Variants in FGF12 observed in about 807,000 individuals in gnomAD.
FGF12 encodes fibroblast growth factor 12.
FGF12 carries 14 observed loss-of-function variants against 23.6 expected under a neutral mutation model. The observed-to-expected ratio is 0.59, with a 90% CI of 0.39 to 0.93. The LOEUF (loss-of-function observed/expected upper bound fraction) is 0.93. FGF12 is among the 40% of genes least tolerant of loss of function. The probability of loss-of-function intolerance (pLI) is 0.00; values close to 1 mark genes in which losing one functional copy is unlikely to be tolerated. For synonymous variants in FGF12, 62 were observed against 77.3 expected, an observed-to-expected ratio of 0.80 and a Z score of 1.04; for missense variants, 175 against 217.8, an observed-to-expected ratio of 0.80 and a Z score of 1.24.
At chr3:192,352,873 T>G (rs1210791867) in intron 3 of FGF12, among the ~76,000 whole-genome samples, 1 of 152,208 alleles carries the variant, frequency 6.6e-6, no homozygotes, top group African/African-American at 2.4e-5. Context: ...CATTTATGTA[T>G]TTAACTCTCT....
At chr3:192,152,488 C>T (rs1358403842) in intron 5 of FGF12, among the ~76,000 whole-genome samples, 28 of 148,844 alleles carry the variant, frequency 1.9e-4, no homozygotes, top group East Asian at 4.0e-4. Context: ...GCTTTGAATG[C>T]GTCCCAGAGA....
At chr3:192,388,544 C>T (rs138601152) in intron 2 of FGF12, among the ~76,000 whole-genome samples, 121 of 152,106 alleles carry the variant, frequency 8.0e-4, no homozygotes, top group African/African-American at 2.7e-3. Context: ...ATATATGTAT[C>T]ATGCCCTAAA....
intron 2 of FGF12, among the ~76,000 whole-genome samples, chr3:192,441,021 C>T (rs919275374): frequency 6.6e-6 from 1 of 152,166 alleles, no homozygotes; most frequent in Non-Finnish European, 1.5e-5. Flanking sequence ...TGTTCATTTC[C>T]CAATCCCTAA....
chr3:192,188,880 G>T (rs904353266), intron 4 of FGF12, among the ~76,000 whole-genome samples: 2 of 152,184 alleles, frequency 1.3e-5, no homozygotes, highest in African/African-American at 4.8e-5. Flanking sequence ...CCAATCCCAA[G>T]AGGTTTTTCA....
intron 2 of FGF12, among the ~76,000 whole-genome samples, chr3:192,543,177 T>A (rs1294993690): frequency 6.6e-6 from 1 of 152,206 alleles, no homozygotes; most frequent in Non-Finnish European, 1.5e-5. Context: ...GGAATCTACC[T>A]GTTGCTCTAT....
chr3:192,550,948 GT>G (rs1711512733), intron 2 of FGF12, among the ~76,000 whole-genome samples: 1 of 152,002 alleles, frequency 6.6e-6, no homozygotes, highest in African/African-American at 2.4e-5. Context: ...TAACTGTCAG[GT>G]TTAGAGAGTC....
At chr3:192,482,154 A>T (rs753704627) in intron 2 of FGF12, among the ~76,000 whole-genome samples, 9 of 152,128 alleles carry the variant, frequency 5.9e-5, no homozygotes, top group Non-Finnish European at 1.3e-4. Context: ...TGAGTTTTGA[A>T]CCTCAATCAT....
chr3:192,425,234 C>T (rs530636360), intron 2 of FGF12, among the ~76,000 whole-genome samples: 1 of 152,206 alleles, frequency 6.6e-6, no homozygotes, highest in African/African-American at 2.4e-5. Flanking sequence ...GTGGATGGAC[C>T]TGATATTTTA....
At chr3:192,266,078 T>C (rs896374716) in intron 4 of FGF12, among the ~76,000 whole-genome samples, 5 of 152,122 alleles carry the variant, frequency 3.3e-5, no homozygotes, top group African/African-American at 1.2e-4. Context: ...TTTCTCCTCC[T>C]CTATCTGCTA....
intron 2 of FGF12, among the ~76,000 whole-genome samples, chr3:192,662,750 A>G (rs899176861): frequency 6.6e-6 from 1 of 152,058 alleles, no homozygotes; most frequent in Non-Finnish European, 1.5e-5. Context: ...TTCTACCAAC[A>G]TTTTCCCTTA....
At chr3:192,714,877 C>G (rs1305299229) in intron 2 of FGF12, among the ~76,000 whole-genome samples, 1 of 152,084 alleles carries the variant, frequency 6.6e-6, no homozygotes, top group Non-Finnish European at 1.5e-5. Flanking sequence ...GGAACTTTAC[C>G]CTAGAATACT....
At chr3:192,392,626 GA>G (rs1720352785) in intron 2 of FGF12, among the ~76,000 whole-genome samples, 5 of 119,558 alleles carry the variant, frequency 4.2e-5, no homozygotes, top group African/African-American at 9.5e-5. Flanking sequence ...GAGAGAGAGA[GA>G]GAGAGAGGAA....
At chr3:192,496,853 C>T (rs1265094079) in intron 2 of FGF12, among the ~76,000 whole-genome samples, 1 of 152,206 alleles carries the variant, frequency 6.6e-6, no homozygotes, top group Non-Finnish European at 1.5e-5. Flanking sequence ...TCCTCTACTT[C>T]TCAAGCTACT....
intron 4 of FGF12, among the ~76,000 whole-genome samples, chr3:192,312,233 C>T (rs1715986484): frequency 6.6e-6 from 1 of 152,022 alleles, no homozygotes; most frequent in South Asian, 2.1e-4. Context: ...GAAACCACTG[C>T]TTAATCCAAG....
In FGF12 at chr3:192,163,765, T is replaced by C. The variant is rs1269489787; in HGVS notation, c.427+6693A>G. ...CTGCTGAGTCTTAAATCAGATTCTA[T>C]GAGCTTAAAGCACCAATTCTAACAA... On this transcript the variant is annotated intron_variant, in intron 5 of 5. Transcript: ENST00000445105. Among the ~76,000 whole-genome samples the C allele has an allele frequency of 5.3e-5, 8 of 152,112 alleles. No homozygotes were observed. In the South Asian group the frequency reaches 1.7e-3, roughly 32 times the overall value.
intron 2 of FGF12, among the ~76,000 whole-genome samples, chr3:192,612,293 T>G (rs961283572): frequency 6.6e-6 from 1 of 152,142 alleles, no homozygotes; most frequent in Non-Finnish European, 1.5e-5. Flanking sequence ...TTTGCACTTC[T>G]TAATTGACTA....
chr3:192,632,042 CAAAT>C, intron 2 of FGF12, among the ~76,000 whole-genome samples: 1 of 152,180 alleles, frequency 6.6e-6, no homozygotes, highest in Non-Finnish European at 1.5e-5. Context: ...GCAACGCAAA[CAAAT>C]TAGCCAACAG....
intron 5 of FGF12, among the ~76,000 whole-genome samples, chr3:192,164,072 A>G (rs1231199421): frequency 2.0e-5 from 3 of 152,088 alleles, no homozygotes; most frequent in African/African-American, 7.2e-5. Context: ...CTAAATACTC[A>G]GCCACCTGCA....
chr3:192,673,789 T>C (rs192709079), intron 2 of FGF12, among the ~76,000 whole-genome samples: 1 of 151,228 alleles, frequency 6.6e-6, no homozygotes, highest in Non-Finnish European at 1.5e-5. Flanking sequence ...CAGTCTATCA[T>C]TAATGGGCAT....
Sources: gnomAD v4.1 joint callset for allele counts (sites outside exome capture counted in the v4.1 genomes callset) on GRCh38, gnomAD v4.1.1 for gene constraint, MANE v1.5 for transcripts, NCBI Gene and HGNC (gene_info 2026-07-23, HGNC 2026-07-21) for gene names.